IL17C: variants seen among roughly 807,000 people sequenced by gnomAD.
IL17C encodes the protein interleukin-17C.
In IL17C, 13 loss-of-function variants were observed where a neutral mutation model predicts 11.0. The ratio of observed to expected loss-of-function variants is 1.18; its 90% confidence interval spans 0.77 to 1.88. The LOEUF (loss-of-function observed/expected upper bound fraction) is 1.88. Among genes scored for constraint, IL17C ranks in the 40% most tolerant of loss-of-function variants. The pLI, the probability that IL17C is intolerant of heterozygous loss-of-function variation, is 0.00. For missense variants in IL17C, 357 were observed against 278.2 expected, an observed-to-expected ratio of 1.28 and a Z score of -2.01; for synonymous variants, 150 against 125.8, an observed-to-expected ratio of 1.19 and a Z score of -1.29.
Position 88,639,363 on chromosome 16 carries a change from C to T in IL17C, c.335+54C>T. On this transcript the variant is annotated intron_variant, in intron 2 of 2. Coordinates refer to ENST00000244241, the MANE Select transcript of IL17C (RefSeq NM_013278.4). This position sits in a 1 kb window ranked among gnomAD's most constrained non-coding sequence, Gnocchi z 5.1. Reference sequence around the variant, plus strand: ...TGGGGCTGCCCCTCCCCTGGCGGGGCCCTGACTGCCCGGAGAGCTCTCTGG... The same window carrying T: ...TGGGGCTGCCCCTCCCCTGGCGGGGTCCTGACTGCCCGGAGAGCTCTCTGG... 1 of 1,460,280 alleles carries T rather than the reference C, an allele frequency of 6.8e-7. No individual in the cohort carries two copies. The highest frequency in any genetic ancestry group is 9.1e-7 in the Non-Finnish European group (1 of 1,098,972). The allele number at this position is 1,460,280 out of a possible 1,614,324, so 90.5% of individuals were successfully genotyped here.
In IL17C at chr16:88,640,125, C is replaced by A; in HGVS notation, c.*53C>A. 1.3e-6 allele frequency: 2 copies of A among 1,500,978 alleles called. No homozygotes were observed. The highest frequency in any genetic ancestry group is 1.3e-5 in the South Asian group (1 of 74,782). 93.0% of individuals were successfully genotyped at this position (1,500,978 alleles called of 1,614,324 possible). A position where few individuals can be genotyped will look rare whatever the true frequency, so the allele number is the denominator to read the frequency against. ...GGACACGTGTGCTCCCCAGAGGGCA[C>A]CCCCTATTTATGTGTATTTATTGTT... is the stretch of plus-strand genomic sequence containing the variant. On this transcript the variant is annotated 3_prime_UTR_variant, in exon 3 of 3. Transcript: ENST00000244241.
Position 88,639,263 on chromosome 16 carries a change from T to C in IL17C, c.289T>C (p.Leu97=), listed in dbSNP as rs1480132056. ...CCCGGTGCTGCGGCCGGAGGAGGTGTTGGAGGCAGACACCCACCAGCGCTC... is the reference window on the plus strand; with the variant it reads ...CCCGGTGCTGCGGCCGGAGGAGGTGCTGGAGGCAGACACCCACCAGCGCTC... ...QCPVLRPEEV[L]EADTHQRSIS... is the part of the protein sequence containing the mutation. Residue 97 remains leucine, a synonymous_variant, in exon 2 of 3, where the codon TTG becomes CTG. Transcript: ENST00000244241. The surrounding 1 kb of genome is among the most constrained non-coding windows in gnomAD (Gnocchi z 5.1). 2 of 1,611,568 alleles carry C rather than the reference T, an allele frequency of 1.2e-6. No homozygotes were observed. Among genetic ancestry groups the C allele is most frequent in the East Asian group, 2.2e-5 (1 of 44,876 alleles).
chr16:88,639,422 G>A lies in IL17C; in HGVS notation c.335+113G>A, dbSNP rs1906993339. Reference sequence around the variant, plus strand: ...GGTTCTCACCTGTCAAGTGGGCGTGGCCACCTGAGCTCCCTCCCTCCGGCC... The same window carrying A: ...GGTTCTCACCTGTCAAGTGGGCGTGACCACCTGAGCTCCCTCCCTCCGGCC... On this transcript the variant is annotated intron_variant, in intron 2 of 2. Transcript: ENST00000244241. This position sits in a 1 kb window ranked among gnomAD's most constrained non-coding sequence, Gnocchi z 5.1. 1 of 1,049,696 alleles carries A rather than the reference G, an allele frequency of 9.5e-7. No homozygotes were observed. The allele number at this position is 1,049,696 out of a possible 1,614,324, so 65.0% of individuals were successfully genotyped here. A position where few individuals can be genotyped will look rare whatever the true frequency, so the allele number is the denominator to read the frequency against.
At position 88,639,744 on chromosome 16, in the gene IL17C, C is replaced by A. The variant is rs2142864734; in HGVS notation, c.336-70C>A. 6.9e-7 allele frequency: 1 copy of A among 1,449,052 alleles called. No homozygotes were observed. Among genetic ancestry groups the A allele is most frequent in the East Asian group, 2.5e-5 (1 of 40,034 alleles). 89.8% of individuals were successfully genotyped at this position (1,449,052 alleles called of 1,614,324 possible). A position where few individuals can be genotyped will look rare whatever the true frequency, so the allele number is the denominator to read the frequency against. ...CCTATCCTGAGTACACGGAGAGGGG[C>A]CCTGAGGGGAGAGGGGCCTCCAGGA... On this transcript the variant is annotated intron_variant, in intron 2 of 2. Coordinates refer to ENST00000244241, the MANE Select transcript of IL17C (RefSeq NM_013278.4). This position sits in a 1 kb window ranked among gnomAD's most constrained non-coding sequence, Gnocchi z 5.1.
chr16:88,639,403 C>G lies in IL17C; in HGVS notation c.335+94C>G, dbSNP rs1006082411. On this transcript the variant is annotated intron_variant, in intron 2 of 2. Transcript: ENST00000244241. The surrounding 1 kb of genome is among the most constrained non-coding windows in gnomAD (Gnocchi z 5.1). Reference sequence around the variant, plus strand: ...GAGCTCTCTGGGCCTTGGTGGTTCTCACCTGTCAAGTGGGCGTGGCCACCT... The same window carrying G: ...GAGCTCTCTGGGCCTTGGTGGTTCTGACCTGTCAAGTGGGCGTGGCCACCT... 1.2e-5 allele frequency: 15 copies of G among 1,258,236 alleles called. No homozygotes were observed. Among genetic ancestry groups the G allele is most frequent in the Non-Finnish European group, 1.6e-5 (15 of 935,252 alleles). 77.9% of individuals were successfully genotyped at this position (1,258,236 alleles called of 1,614,324 possible).
In IL17C at chr16:88,639,995, C is replaced by T. The variant is rs1167337140; in HGVS notation, c.517C>T (p.Pro173Ser). ...CSRDGSGLPTPGAFAFHTEFI... is the reference protein window; with the variant it reads ...CSRDGSGLPTSGAFAFHTEFI... ...CCGCGACGGCTCGGGGCTCCCCACA[C>T]CTGGGGCCTTTGCCTTCCACACCGA... Residue 173 changes from proline to serine, a missense_variant, in exon 3 of 3, where the codon CCT becomes TCT. Pro to Ser is a moderately conservative substitution (Grantham distance 74). Transcript: ENST00000244241. The surrounding 1 kb of genome is among the most constrained non-coding windows in gnomAD (Gnocchi z 5.1). 3.1e-6 allele frequency: 5 copies of T among 1,608,098 alleles called. No homozygotes were observed. The African/African-American group carries it at 4.0e-5, about 13-fold the overall frequency.
Position 88,638,638 on chromosome 16 carries a change from C to T in IL17C, c.-4C>T. On this transcript the variant is annotated 5_prime_UTR_variant, in exon 1 of 3. Transcript: ENST00000244241. ...CAAGCCCAGCCTGCCCCGCTGCCGC[C>T]ACCATGACGGTGAGCCTCTCCACAT... 5.6e-6 allele frequency: 9 copies of T among 1,612,836 alleles called. No homozygotes were observed. Among genetic ancestry groups the T allele is most frequent in the Non-Finnish European group, 7.6e-6 (9 of 1,180,014 alleles).
chr16:88,639,327 C>T lies in IL17C; in HGVS notation c.335+18C>T, dbSNP rs372816981. 2 of 1,553,520 alleles carry T rather than the reference C, an allele frequency of 1.3e-6. No homozygotes were observed. Among genetic ancestry groups the T allele is most frequent in the African/African-American group, 1.3e-5 (1 of 74,108 alleles). ...AGATACCGGTGAGGACCTGGGGATT[C>T]CGCTGTGGCGTGGGGCTGCCCCTCC... On this transcript the variant is annotated intron_variant, in intron 2 of 2. Transcript: ENST00000244241. The surrounding 1 kb of genome is among the most constrained non-coding windows in gnomAD (Gnocchi z 5.1).
Position 88,639,895 on chromosome 16 carries a change from G to C in IL17C, c.417G>C (p.Thr139=). Residue 139 remains threonine, a synonymous_variant, in exon 3 of 3, where the codon ACG becomes ACC. Coordinates refer to ENST00000244241, the MANE Select transcript of IL17C (RefSeq NM_013278.4). The surrounding 1 kb of genome is among the most constrained non-coding windows in gnomAD (Gnocchi z 5.1). ...CLCRGCIDAR[T]GRETAALNSV... ...GCAGAGGCTGTATCGATGCACGGAC[G>C]GGCCGCGAGACAGCTGCGCTCAACT... is the stretch of plus-strand genomic sequence containing the variant. 6.8e-6 allele frequency: 11 copies of C among 1,608,870 alleles called. No individual in the cohort carries two copies. Among genetic ancestry groups the C allele is most frequent in the Non-Finnish European group, 8.5e-6 (10 of 1,178,884 alleles).
chr16:88,638,828 G>A lies in IL17C; in HGVS notation c.7-153G>A. On this transcript the variant is annotated intron_variant, in intron 1 of 2. Coordinates refer to ENST00000244241, the MANE Select transcript of IL17C (RefSeq NM_013278.4). ...AGCGCTGGCATGCTGGGTGTCTTGGGCTGAAGGGCTAGCCTCTCTGGGCTT... is the reference window on the plus strand; with the variant it reads ...AGCGCTGGCATGCTGGGTGTCTTGGACTGAAGGGCTAGCCTCTCTGGGCTT... 12 of 1,176,112 alleles carry A rather than the reference G, an allele frequency of 1.0e-5. No homozygotes were observed. In the South Asian group the frequency reaches 1.2e-4, roughly 11 times the overall value. 72.9% of individuals were successfully genotyped at this position (1,176,112 alleles called of 1,614,324 possible).
In IL17C at chr16:88,639,707, G is replaced by A. The variant is rs575647019; in HGVS notation, c.336-107G>A. 169 of 1,340,796 alleles carry A rather than the reference G, an allele frequency of 1.3e-4. 1 individual carries two copies. Among genetic ancestry groups the A allele is most frequent in the South Asian group, 1.2e-3 (75 of 64,812 alleles). The allele number at this position is 1,340,796 out of a possible 1,614,324, so 83.1% of individuals were successfully genotyped here. On this transcript the variant is annotated intron_variant, in intron 2 of 2. Coordinates refer to ENST00000244241, the MANE Select transcript of IL17C (RefSeq NM_013278.4). This position sits in a 1 kb window ranked among gnomAD's most constrained non-coding sequence, Gnocchi z 5.1. ...CCCAAGCCCGTGTGGCTCAGCCCTC[G>A]CTGCCTCAGGTCCTATCCTGAGTAC...
intron 1 of IL17C, 139 bp downstream of exon 1, chr16:88,638,786 C>G: frequency 7.3e-7 from 1 of 1,370,508 alleles, no homozygotes; most frequent in South Asian, 1.2e-5. Flanking sequence ...GTAGGGGAGG[C>G]AGCTGCAGAT....
Position 88,639,757 on chromosome 16 carries a change from G to A in IL17C, c.336-57G>A. The A allele has an allele frequency of 3.4e-6, 5 of 1,465,054 alleles. No individual in the cohort carries two copies. Among genetic ancestry groups the A allele is most frequent in the Non-Finnish European group, 4.5e-6 (5 of 1,106,068 alleles). 90.8% of individuals were successfully genotyped at this position (1,465,054 alleles called of 1,614,324 possible). A position where few individuals can be genotyped will look rare whatever the true frequency, so the allele number is the denominator to read the frequency against. On this transcript the variant is annotated intron_variant, in intron 2 of 2. Coordinates refer to ENST00000244241, the MANE Select transcript of IL17C (RefSeq NM_013278.4). This position sits in a 1 kb window ranked among gnomAD's most constrained non-coding sequence, Gnocchi z 5.1. ...CACGGAGAGGGGCCCTGAGGGGAGAGGGGCCTCCAGGAGGACAGGGTAGGG... is the reference window on the plus strand; with the variant it reads ...CACGGAGAGGGGCCCTGAGGGGAGAAGGGCCTCCAGGAGGACAGGGTAGGG...
rs1294712559 is a variant in IL17C at position 88,639,279 on chromosome 16, A to C, written c.305A>C (p.His102Pro). 3 of 1,609,034 alleles carry C rather than the reference A, an allele frequency of 1.9e-6. No homozygotes were observed. Among genetic ancestry groups the C allele is most frequent in the Non-Finnish European group, 2.5e-6 (3 of 1,178,240 alleles). Residue 102 changes from histidine to proline, a missense_variant, in exon 2 of 3, where the codon CAC becomes CCC. Physicochemically the swap from His to Pro is moderately conservative, Grantham distance 77. Coordinates refer to ENST00000244241, the MANE Select transcript of IL17C (RefSeq NM_013278.4). This position sits in a 1 kb window ranked among gnomAD's most constrained non-coding sequence, Gnocchi z 5.1. ...RPEEVLEADTHQRSISPWRYR... is the reference protein window; with the variant it reads ...RPEEVLEADTPQRSISPWRYR... ...GAGGAGGTGTTGGAGGCAGACACCC[A>C]CCAGCGCTCCATCTCACCCTGGAGA...
At position 88,639,991 on chromosome 16, in the gene IL17C, C is replaced by T; in HGVS notation, c.513C>T (p.Pro171=). Residue 171 remains proline, a synonymous_variant, in exon 3 of 3, where the codon CCC becomes CCT. Coordinates refer to ENST00000244241, the MANE Select transcript of IL17C (RefSeq NM_013278.4). The surrounding 1 kb of genome is among the most constrained non-coding windows in gnomAD (Gnocchi z 5.1). ...RPCSRDGSGL[P]TPGAFAFHTE... is the part of the protein sequence containing the mutation. ...GCTCCCGCGACGGCTCGGGGCTCCC[C>T]ACACCTGGGGCCTTTGCCTTCCACA... 3 of 1,609,374 alleles carry T rather than the reference C, an allele frequency of 1.9e-6. No homozygotes were observed. The highest frequency in any genetic ancestry group is 2.5e-6 in the Non-Finnish European group (3 of 1,177,896).
In IL17C at chr16:88,639,345, GC is replaced by G. The variant is rs1567606010; in HGVS notation, c.335+40del. 1 of 1,506,476 alleles carries G rather than the reference GC, an allele frequency of 6.6e-7. No homozygotes were observed. The highest frequency in any genetic ancestry group is 2.0e-5 in the Admixed American group (1 of 49,118). The allele number at this position is 1,506,476 out of a possible 1,614,324, so 93.3% of individuals were successfully genotyped here. On this transcript the variant is annotated intron_variant, in intron 2 of 2. Transcript: ENST00000244241. The surrounding 1 kb of genome is among the most constrained non-coding windows in gnomAD (Gnocchi z 5.1). ...GGGGATTCCGCTGTGGCGTGGGGCT[GC>G]CCCTCCCCTGGCGGGGCCCTGACTG... is the stretch of plus-strand genomic sequence containing the variant.
intron 1 of IL17C, 166 bp from the exon 2 acceptor site, chr16:88,638,815 C>A: frequency 8.1e-7 from 1 of 1,227,274 alleles, no homozygotes; most frequent in Non-Finnish European, 1.2e-6. Flanking sequence ...CGCTGGCATG[C>A]TGGGTGTCTT....
intron 1 of IL17C, 124 bp downstream of exon 1, chr16:88,638,771 T>C (rs1033733848): frequency 6.8e-6 from 10 of 1,461,716 alleles, no homozygotes; most frequent in African/African-American, 4.2e-5. Flanking sequence ...CCCCTCAGTC[T>C]GGGGGTAGGG....
In IL17C at chr16:88,640,144, T is replaced by A; in HGVS notation, c.*72T>A. The A allele has an allele frequency of 6.8e-7, 1 of 1,462,434 alleles. No homozygotes were observed. 90.6% of individuals were successfully genotyped at this position (1,462,434 alleles called of 1,614,324 possible). On this transcript the variant is annotated 3_prime_UTR_variant, in exon 3 of 3. Coordinates refer to ENST00000244241, the MANE Select transcript of IL17C (RefSeq NM_013278.4). ...AGGGCACCCCCTATTTATGTGTATT[T>A]ATTGTTATTTATATGCCTCCCCCAA... is the stretch of plus-strand genomic sequence containing the variant.
Sources: allele counts gnomAD v4.1 joint callset, GRCh38; gene constraint gnomAD v4.1.1; non-coding constraint Gnocchi (gnomAD v3.1); transcripts MANE v1.5; gene names NCBI Gene and HGNC (gene_info 2026-07-23, HGNC 2026-07-21).